The following KIF16B variants were observed in gnomAD, a reference collection of about 807,000 sequenced individuals.
KIF16B encodes the protein kinesin-like protein KIF16B.
KIF16B carries 98 observed loss-of-function variants against 156.3 expected under a neutral mutation model. That is an observed-to-expected ratio of 0.63 (90% CI 0.53 to 0.74). The LOEUF (loss-of-function observed/expected upper bound fraction) is 0.74. KIF16B is among the 30% of genes least tolerant of loss of function. The probability of loss-of-function intolerance (pLI) is 0.00; values close to 1 mark genes in which losing one functional copy is unlikely to be tolerated. For missense variants in KIF16B, 1,421 were observed against 1,606.5 expected (o/e 0.88, Z 1.97); for synonymous variants, 564 against 583.7 (o/e 0.97, Z 0.49).
At chr20:16,479,564 CA>C (rs2067919937) in intron 12 of KIF16B, among the ~76,000 whole-genome samples, 1 of 152,064 alleles carries the variant, frequency 6.6e-6, no homozygotes, top group Non-Finnish European at 1.5e-5. Flanking sequence ...AAAAAATATA[CA>C]GTTGTGCACT....
chr20:16,309,669 A>G (rs1453945983), intron 25 of KIF16B, among the ~76,000 whole-genome samples: 1 of 152,220 alleles, frequency 6.6e-6, no homozygotes, highest in East Asian at 1.9e-4. Context: ...ATCCCTACTT[A>G]AAACACTATT....
intron 22 of KIF16B, among the ~76,000 whole-genome samples, chr20:16,362,903 A>T (rs1347091662): frequency 6.6e-6 from 1 of 152,212 alleles, no homozygotes; most frequent in Non-Finnish European, 1.5e-5. Context: ...AGATAGTAAA[A>T]GGCAGGAGGA....
chr20:16,370,759 T>A, intron 21 of KIF16B, 123 bp from the exon 22 acceptor site: 6 of 700,422 alleles, frequency 8.6e-6, no homozygotes, highest in Non-Finnish European at 1.4e-5. Flanking sequence ...CATTCAACAA[T>A]GACAACCCTT....
chr20:16,569,059 A>G (rs2071365504), intron 1 of KIF16B, among the ~76,000 whole-genome samples: 1 of 152,106 alleles, frequency 6.6e-6, no homozygotes, highest in South Asian at 2.1e-4. Context: ...AACAGGCCCA[A>G]GGGAGTCTGT....
chr20:16,450,536 C>CA (rs1226483581), intron 12 of KIF16B, among the ~76,000 whole-genome samples: 1 of 152,206 alleles, frequency 6.6e-6, no homozygotes, highest in African/African-American at 2.4e-5. Flanking sequence ...CACACCTCCC[C>CA]ACCTGCCCCA....
chr20:16,350,952 G>A (rs1432563555), intron 23 of KIF16B, among the ~76,000 whole-genome samples: 1 of 151,990 alleles, frequency 6.6e-6, no homozygotes, highest in African/African-American at 2.4e-5. Context: ...ACCCACAGGG[G>A]AAGATCAGCA....
intron 3 of KIF16B, among the ~76,000 whole-genome samples, chr20:16,524,008 T>G (rs2069444763): frequency 2.0e-5 from 3 of 152,256 alleles, no homozygotes; most frequent in African/African-American, 7.2e-5. Context: ...TCCTTACACC[T>G]TATACAAAAT....
intron 12 of KIF16B, among the ~76,000 whole-genome samples, chr20:16,469,837 A>G (rs1412930576): frequency 6.6e-6 from 1 of 152,140 alleles, no homozygotes; most frequent in Non-Finnish European, 1.5e-5. Flanking sequence ...TATGCAAATG[A>G]GCTGAAAACG....
rs531423760 is a variant in KIF16B, at chr20:16,408,180, G to C, written c.1613-1724C>G. On this transcript the variant is annotated intron_variant, in intron 15 of 25. Coordinates refer to ENST00000354981, the MANE Select transcript of KIF16B (RefSeq NM_024704.5). ...AATTCAATATGATTAAAACCTAACA[G>C]GTTTAAATAACAACGACAGGGAGCA... is the stretch of plus-strand genomic sequence containing the variant. Among the ~76,000 whole-genome samples the C allele has an allele frequency of 1.8e-3, 281 of 152,184 alleles. 4 individuals are homozygous for C. Among genetic ancestry groups the C allele is most frequent in the Non-Finnish European group, 2.4e-3 (164 of 67,998 alleles).
intron 17 of KIF16B, among the ~76,000 whole-genome samples, chr20:16,394,445 C>T (rs138855236): frequency 7.1e-4 from 108 of 152,254 alleles, no homozygotes; most frequent in Non-Finnish European, 1.2e-3. Context: ...CACATGTTCC[C>T]CAAGATTGTG....
intron 23 of KIF16B, 21 bp downstream of exon 23, chr20:16,356,309 A>C: frequency 6.2e-7 from 1 of 1,613,972 alleles, no homozygotes; most frequent in Non-Finnish European, 8.5e-7. Flanking sequence ...CATTCTCCAG[A>C]AGAGTCAAGA....
chr20:16,384,040 A>C (rs1173354736), intron 17 of KIF16B, among the ~76,000 whole-genome samples: 1 of 152,244 alleles, frequency 6.6e-6, no homozygotes, highest in Non-Finnish European at 1.5e-5. Flanking sequence ...AGAGTACATA[A>C]GCAGCAGAGG....
At chr20:16,480,100 G>A (rs113348794) in intron 12 of KIF16B, among the ~76,000 whole-genome samples, 1,748 of 152,220 alleles carry the variant, frequency 0.011, 38 homozygotes, top group African/African-American at 0.04. Context: ...CTGAAAATCT[G>A]CCAAGCAGTA....
intron 15 of KIF16B, among the ~76,000 whole-genome samples, chr20:16,420,024 A>G (rs1051039104): frequency 2.6e-5 from 4 of 152,164 alleles, no homozygotes; most frequent in Admixed American, 6.6e-5. Context: ...ATAGAATCAC[A>G]GTGTGGAATG....
intron 17 of KIF16B, chr20:16,382,222 A>G: frequency 1.3e-6 from 1 of 766,388 alleles, no homozygotes; most frequent in South Asian, 1.7e-5. Context: ...ATCAGGAGAA[A>G]AGCAGTAAGG....
rs1297126438 is a variant in KIF16B, at chr20:16,507,048, C to T, written c.700-858G>A. ...CCCAGAGGTTGAGACTGCAGTGAGC[C>T]GTGATCACACCACTGCACTCCAGCC... is the stretch of plus-strand genomic sequence containing the variant. On this transcript the variant is annotated intron_variant, in intron 7 of 25. Coordinates refer to ENST00000354981, the MANE Select transcript of KIF16B (RefSeq NM_024704.5). Among the ~76,000 whole-genome samples the T allele has an allele frequency of 5.3e-5, 8 of 150,266 alleles. No individual in the cohort carries two copies. In the South Asian group the frequency reaches 6.3e-4, roughly 12 times the overall value.
chr20:16,566,354 A>AGGCACTTTGCAC (rs1423959406), intron 1 of KIF16B, among the ~76,000 whole-genome samples: 1 of 152,242 alleles, frequency 6.6e-6, no homozygotes, highest in Admixed American at 6.5e-5. Flanking sequence ...AATGCATAAA[A>AGGCACTTTGCAC]GGCACTTTGC....
At chr20:16,368,771 C>T (rs2064743314) in intron 22 of KIF16B, 1 of 985,870 alleles carries the variant, frequency 1.0e-6, no homozygotes, top group Non-Finnish European at 1.2e-6. Context: ...TCAGACAGAA[C>T]CAAGCAGAGC....
At chr20:16,352,332 T>C (rs994565131) in intron 23 of KIF16B, among the ~76,000 whole-genome samples, 3 of 152,264 alleles carry the variant, frequency 2.0e-5, no homozygotes, top group Non-Finnish European at 4.4e-5. Flanking sequence ...TCTACTTATA[T>C]ATCCTCAGTT....
Sources: allele counts gnomAD v4.1 joint callset (sites outside exome capture counted in the v4.1 genomes callset), GRCh38; gene constraint gnomAD v4.1.1; transcripts MANE v1.5; gene names NCBI Gene and HGNC (gene_info 2026-07-23, HGNC 2026-07-21).